KLRG2: variants seen among roughly 807,000 people sequenced by gnomAD.
KLRG2 encodes killer cell lectin-like receptor subfamily G member 2.
In KLRG2, 39 loss-of-function variants were observed where a neutral mutation model predicts 35.4. The ratio of observed to expected loss-of-function variants is 1.10; its 90% CI spans 0.85 to 1.44. KLRG2 has a LOEUF of 1.44. KLRG2 is among the 40% of genes most tolerant of loss of function. KLRG2 has a pLI of 0.00. For missense variants in KLRG2, 632 were observed against 570.9 expected (o/e 1.11, Z -1.09); for synonymous variants, 283 against 265.8 (o/e 1.06, Z -0.63).
intron 1 of KLRG2, 138 bp downstream of exon 1, chr7:139,482,748 C>G (rs1445211195): frequency 1.1e-5 from 7 of 632,380 alleles, no homozygotes; most frequent in East Asian, 6.9e-5. Flanking sequence ...GAGGCCAGAT[C>G]GGGTTGGGGA....
rs1224116463 is a variant in KLRG2 at position 139,480,407 on chromosome 7, A to G, written c.758-160T>C. Among the ~76,000 whole-genome samples the G allele has an allele frequency of 2.0e-5, 3 of 149,706 alleles. No individual in the cohort carries two copies. The East Asian group carries it at 5.9e-4, about 29-fold the overall frequency. ...CATAAACCACAACGTTTAAGTTCCA[A>G]CTTTATATTCTGGAGAAAGAAGCCA... On this transcript the variant is annotated intron_variant, in intron 1 of 4. Transcript: ENST00000340940.
the KLRG2 span, among the ~76,000 whole-genome samples, chr7:139,445,630 G>A: frequency 6.6e-6 from 1 of 151,118 alleles, no homozygotes; most frequent in Non-Finnish European, 1.5e-5. Context: ...CTTATTGATG[G>A]TATTTAATGC....
intron 3 of KLRG2, among the ~76,000 whole-genome samples, chr7:139,477,933 T>C (rs955245295): frequency 6.6e-6 from 1 of 151,976 alleles, no homozygotes; most frequent in Non-Finnish European, 1.5e-5. Context: ...TAATGTTTTG[T>C]ATTTTTAGTA....
chr7:139,472,778 C>A (rs1302488910), intron 3 of KLRG2, among the ~76,000 whole-genome samples: 3 of 152,132 alleles, frequency 2.0e-5, no homozygotes, highest in Non-Finnish European at 4.4e-5. Context: ...GTATTAGAGA[C>A]AACAGGTCCT....
At chr7:139,461,224 G>A (rs939741737) in intron 3 of KLRG2, among the ~76,000 whole-genome samples, 1 of 152,140 alleles carries the variant, frequency 6.6e-6, no homozygotes, top group Non-Finnish European at 1.5e-5. Flanking sequence ...TCCAGCCTGG[G>A]TGACAGAGCC....
At chr7:139,450,256 C>T (rs551373241), downstream of KLRG2, among the ~76,000 whole-genome samples, 4 of 151,724 alleles carry the variant, frequency 2.6e-5, no homozygotes, top group South Asian at 8.3e-4. Context: ...CGGAGTCTTG[C>T]TCTGTCGCCC....
At chr7:139,450,646 G>A (rs1796365259), downstream of KLRG2, among the ~76,000 whole-genome samples, 1 of 152,048 alleles carries the variant, frequency 6.6e-6, no homozygotes. Context: ...TATTTTTATT[G>A]TTAGTTTTTT....
chr7:139,452,537 C>T (rs1168964409), downstream of KLRG2, among the ~76,000 whole-genome samples: 4 of 152,164 alleles, frequency 2.6e-5, no homozygotes, highest in African/African-American at 4.8e-5. Flanking sequence ...CTGGTTCAAA[C>T]GCACCAATAA....
At chr7:139,436,189 C>T in the KLRG2 span, among the ~76,000 whole-genome samples, 1 of 152,160 alleles carries the variant, frequency 6.6e-6, no homozygotes, top group African/African-American at 2.4e-5. Flanking sequence ...AAGCATGAGC[C>T]ATTGTGCCTG....
At chr7:139,458,947 C>G (rs1381284600) in intron 3 of KLRG2, among the ~76,000 whole-genome samples, 1 of 152,224 alleles carries the variant, frequency 6.6e-6, no homozygotes, top group Non-Finnish European at 1.5e-5. Context: ...CACCCTGCCT[C>G]AGCACCTGCA....
chr7:139,480,060 A>C, intron 2 of KLRG2, 86 bp downstream of exon 2: 1 of 961,084 alleles, frequency 1.0e-6, no homozygotes, highest in Non-Finnish European at 1.7e-6. Flanking sequence ...GTCTCTTTCT[A>C]ATTCTAAGGT....
At chr7:139,441,267 A>C in the KLRG2 span, among the ~76,000 whole-genome samples, 2,108 of 152,334 alleles carry the variant, frequency 0.014, 44 homozygotes, top group African/African-American at 0.048. Context: ...TGTGGCACAT[A>C]TACACCATGG....
chr7:139,449,419 C>T (rs1025940694), downstream of KLRG2, among the ~76,000 whole-genome samples: 20 of 151,790 alleles, frequency 1.3e-4, no homozygotes, highest in Admixed American at 1.3e-4. Flanking sequence ...AAAAATGGTA[C>T]TCTTGTATGG....
chr7:139,481,034 G>A (rs560113888), intron 1 of KLRG2, among the ~76,000 whole-genome samples: 13 of 152,242 alleles, frequency 8.5e-5, no homozygotes, highest in East Asian at 1.9e-4. Context: ...GTGAGCCACC[G>A]TGCCCAGCTT....
rs759130108 is a variant in KLRG2, at chr7:139,454,133, C to T, written c.1087G>A (p.Glu363Lys). 4.5e-5 allele frequency: 70 copies of T among 1,544,878 alleles called. No individual in the cohort carries two copies. The highest frequency in any genetic ancestry group is 3.8e-4 in the Admixed American group (19 of 50,652). The part of the protein sequence containing the change: ...RGPQGWHWID[E>K]APLPPQLLPE... Reference sequence around the variant, plus strand: ...CACAGCTGGGGCGGGAGTGGGGCCTCGTCGATCCAGTGCCAGCCCTGGGGG... The same window carrying T: ...CACAGCTGGGGCGGGAGTGGGGCCTTGTCGATCCAGTGCCAGCCCTGGGGG... The change falls in exon 4 of 5, where the codon GAG (glutamate) becomes AAG (lysine). Residue 363 changes from glutamate to lysine, a missense_variant. Physicochemically the swap from Glu to Lys is moderately conservative, Grantham distance 56. Coordinates refer to ENST00000340940, the MANE Select transcript of KLRG2 (RefSeq NM_198508.4).
At chr7:139,476,927 C>T (rs896093408) in intron 3 of KLRG2, among the ~76,000 whole-genome samples, 2 of 152,180 alleles carry the variant, frequency 1.3e-5, no homozygotes, top group African/African-American at 4.8e-5. Context: ...TCACTCACTG[C>T]TGTCTTAGCT....
intron 3 of KLRG2, among the ~76,000 whole-genome samples, chr7:139,456,429 A>G (rs557178470): frequency 1.2e-3 from 182 of 152,146 alleles, no homozygotes; most frequent in African/African-American, 3.3e-3. Context: ...GCAGTGGCAC[A>G]ATCTCGGCTT....
the KLRG2 span, among the ~76,000 whole-genome samples, chr7:139,432,118 G>A: frequency 2.0e-5 from 3 of 152,018 alleles, no homozygotes; most frequent in African/African-American, 4.8e-5. Context: ...CACTTTGAGA[G>A]GCTAAGGCAG....
chr7:139,453,961 A>C, intron 4 of KLRG2, 150 bp downstream of exon 4: 1 of 672,674 alleles, frequency 1.5e-6, no homozygotes, highest in Non-Finnish European at 2.6e-6. Context: ...GTGAAGCGAC[A>C]GGGTCTAATC....
Sources: allele counts gnomAD v4.1 joint callset (sites outside exome capture counted in the v4.1 genomes callset), GRCh38; gene constraint gnomAD v4.1.1; transcripts MANE v1.5; gene names NCBI Gene and HGNC (gene_info 2026-07-23, HGNC 2026-07-21).